Variants in NVL observed in about 807,000 individuals in gnomAD.
The protein encoded by NVL is nuclear VCP like.
A neutral mutation model predicts 110.2 loss-of-function variants in NVL; 84 were observed. The observed-to-expected ratio is 0.76, with a 90% CI of 0.64 to 0.91. The LOEUF (loss-of-function observed/expected upper bound fraction) is 0.91. NVL is among the 40% of genes least tolerant of loss of function. The probability of loss-of-function intolerance (pLI) is 0.00; values close to 1 mark genes in which losing one functional copy is unlikely to be tolerated. For missense variants in NVL, 882 were observed against 1,035.9 expected, an observed-to-expected ratio of 0.85 and a Z score of 2.04; for synonymous variants, 354 against 361.1, an observed-to-expected ratio of 0.98 and a Z score of 0.22.
At chr1:224,276,006 C>A (rs1331087522) in intron 16 of NVL, among the ~76,000 whole-genome samples, 3 of 152,086 alleles carry the variant, frequency 2.0e-5, no homozygotes, top group African/African-American at 7.2e-5. Flanking sequence ...AAATCTAAAT[C>A]AAAATATAAA....
intron 19 of NVL, among the ~76,000 whole-genome samples, chr1:224,245,134 A>C (rs1443404449): frequency 6.6e-6 from 1 of 152,258 alleles, no homozygotes; most frequent in Non-Finnish European, 1.5e-5. Context: ...GAGAAAGAGA[A>C]AATTGTATAT....
intron 17 of NVL, among the ~76,000 whole-genome samples, chr1:224,270,488 G>A (rs1327065330): frequency 2.0e-5 from 3 of 152,158 alleles, no homozygotes; most frequent in Non-Finnish European, 4.4e-5. Context: ...AACCCGGGAG[G>A]CGGAGGCTGC....
At chr1:224,316,161 G>C (rs1670037446) in intron 4 of NVL, among the ~76,000 whole-genome samples, 1 of 151,946 alleles carries the variant, frequency 6.6e-6, no homozygotes, top group African/African-American at 2.4e-5. Context: ...GCAACAAAGT[G>C]AGACTCTGTC....
At chr1:224,289,381 A>G in intron 13 of NVL, 103 bp downstream of exon 13, 1 of 1,234,132 alleles carries the variant, frequency 8.1e-7, no homozygotes, top group Admixed American at 2.5e-5. Flanking sequence ...AAATGCCAAT[A>G]AAACAGAAAG....
chr1:224,246,174 G>C (rs528056336), intron 19 of NVL, among the ~76,000 whole-genome samples: 4 of 152,058 alleles, frequency 2.6e-5, no homozygotes, highest in Admixed American at 6.6e-5. Flanking sequence ...GGGATTACAG[G>C]AGCACACCAT....
At chr1:224,296,469 C>T in intron 11 of NVL, 32 bp downstream of exon 11, 2 of 1,134,422 alleles carry the variant, frequency 1.8e-6, no homozygotes, top group Admixed American at 2.8e-5. Flanking sequence ...AAAATTTATT[C>T]TCTTAAAATG....
At position 224,272,545 on chromosome 1, in the gene NVL, C is replaced by A. The variant is rs1294241313; in HGVS notation, c.2082+2794G>T. Among the ~76,000 whole-genome samples the A allele has an allele frequency of 4.6e-5, 7 of 151,366 alleles. No homozygotes were observed. The East Asian group carries it at 1.2e-3, about 25-fold the overall frequency. ...CCAGCCTGGCCAAAGTGGTAAAACC[C>A]CGTCTCTACTAAAAATACAAAATTA... On this transcript the variant is annotated intron_variant, in intron 17 of 22. Coordinates refer to ENST00000281701, the MANE Select transcript of NVL (RefSeq NM_002533.4).
chr1:224,293,796 C>G (rs1322161310), intron 12 of NVL, among the ~76,000 whole-genome samples: 1 of 152,212 alleles, frequency 6.6e-6, no homozygotes, highest in Non-Finnish European at 1.5e-5. Flanking sequence ...AATTATCCTA[C>G]TGATGAGTAA....
chr1:224,254,901 G>A (rs1311688278), intron 18 of NVL, among the ~76,000 whole-genome samples: 1 of 143,134 alleles, frequency 7.0e-6, no homozygotes. Flanking sequence ...TTTTTGAGAC[G>A]GAGTCTCTGT....
chr1:224,240,689 T>C (rs1481145261), intron 19 of NVL, among the ~76,000 whole-genome samples: 1 of 151,874 alleles, frequency 6.6e-6, no homozygotes, highest in Non-Finnish European at 1.5e-5. Flanking sequence ...TATGTTTAGA[T>C]ACTCTCAGAA....
chr1:224,249,541 G>T (rs548142810), intron 19 of NVL, among the ~76,000 whole-genome samples: 1 of 152,098 alleles, frequency 6.6e-6, no homozygotes, highest in South Asian at 2.1e-4. Flanking sequence ...TCAGGAGATC[G>T]AGACCATCCT....
chr1:224,257,054 C>T (rs769446888), intron 18 of NVL: 1 of 531,978 alleles, frequency 1.9e-6, no homozygotes, highest in Non-Finnish European at 3.9e-6. Context: ...TCCTTTTGCC[C>T]TCTCAACCCA....
chr1:224,261,006 G>A (rs910137645), intron 18 of NVL, among the ~76,000 whole-genome samples: 1 of 152,132 alleles, frequency 6.6e-6, no homozygotes, highest in African/African-American at 2.4e-5. Context: ...CTCCCGAGTA[G>A]CTGGGACTAT....
chr1:224,244,367 CA>C (rs938392299), intron 19 of NVL, among the ~76,000 whole-genome samples: 8 of 145,472 alleles, frequency 5.5e-5, no homozygotes, highest in Non-Finnish European at 7.6e-5. Flanking sequence ...AACTCCGTCT[CA>C]AAAAAAAAAA....
rs367688954 is a variant in NVL at position 224,273,616 on chromosome 1, A to C, written c.2082+1723T>G. On this transcript the variant is annotated intron_variant, in intron 17 of 22. Transcript: ENST00000281701. ...TCTCCAAATTTAGATTTACCAGCTG[A>C]CAGTAGAGAGCTTCAAACCAATTGA... 5.3e-5 allele frequency among the ~76,000 whole-genome samples: 8 copies of C among 152,268 alleles called. No homozygotes were observed. The East Asian group carries it at 1.2e-3, about 22-fold the overall frequency.
chr1:224,256,518 G>A (rs1663278863), intron 18 of NVL, among the ~76,000 whole-genome samples: 1 of 150,962 alleles, frequency 6.6e-6, no homozygotes, highest in Non-Finnish European at 1.5e-5. Flanking sequence ...GGGGAATACT[G>A]ATGATAATTA....
intron 2 of NVL, among the ~76,000 whole-genome samples, chr1:224,325,550 A>G (rs1276405930): frequency 6.6e-6 from 1 of 152,154 alleles, no homozygotes; most frequent in Non-Finnish European, 1.5e-5. Context: ...CCTGGCCAAC[A>G]TGGTGAAGCC....
At chr1:224,266,225 C>G (rs1664488031) in intron 18 of NVL, among the ~76,000 whole-genome samples, 1 of 152,230 alleles carries the variant, frequency 6.6e-6, no homozygotes, top group South Asian at 2.1e-4. Context: ...TTCCTACTCC[C>G]CAGGATCCCC....
intron 10 of NVL, among the ~76,000 whole-genome samples, chr1:224,298,060 G>A (rs1668043232): frequency 6.8e-6 from 1 of 147,592 alleles, no homozygotes; most frequent in South Asian, 2.1e-4. Context: ...AAAAAAATTA[G>A]CTGGTGGGTA....
Sources: gnomAD v4.1 joint callset for allele counts (sites outside exome capture counted in the v4.1 genomes callset) on GRCh38, gnomAD v4.1.1 for gene constraint, MANE v1.5 for transcripts, NCBI Gene and HGNC (gene_info 2026-07-23, HGNC 2026-07-21) for gene names.